The following SYT1 variants were observed in gnomAD, a reference collection of about 807,000 sequenced individuals.
SYT1 encodes synaptotagmin 1.
In SYT1, 8 loss-of-function variants were observed where a neutral mutation model predicts 44.8. The ratio of observed to expected loss-of-function variants is 0.18; its 90% CI spans 0.10 to 0.32. SYT1 has a LOEUF of 0.32. SYT1 is among the 10% of genes least tolerant of loss of function. The pLI is 1.00. For synonymous variants in SYT1, 154 were observed against 188.8 expected (o/e 0.82, Z 1.51); for missense variants, 286 against 509.3 (o/e 0.56, Z 4.22).
intron 1 of SYT1, among the ~76,000 whole-genome samples, chr12:78,924,426 T>C (rs2137174342): frequency 6.6e-6 from 1 of 151,832 alleles, no homozygotes; most frequent in East Asian, 1.9e-4. Flanking sequence ...TATTCATGAT[T>C]CTTATGTGAA....
intron 8 of SYT1, among the ~76,000 whole-genome samples, chr12:79,345,464 T>G (rs1451416590): frequency 6.6e-6 from 1 of 152,210 alleles, no homozygotes; most frequent in African/African-American, 2.4e-5. Context: ...GTGGTGGAAC[T>G]CAGTAATTAT....
intron 2 of SYT1, among the ~76,000 whole-genome samples, chr12:78,996,654 C>A (rs1475698191): frequency 6.6e-6 from 1 of 152,130 alleles, no homozygotes; most frequent in African/African-American, 2.4e-5. Flanking sequence ...AGAATGAGCC[C>A]AAGAACAGTA....
At chr12:79,050,927 G>A (rs11112515) in intron 3 of SYT1, among the ~76,000 whole-genome samples, 1,978 of 151,994 alleles carry the variant, frequency 0.013, 38 homozygotes, top group African/African-American at 0.045. Context: ...AGAAAATTTA[G>A]AGGTCACCTA....
intron 4 of SYT1, among the ~76,000 whole-genome samples, chr12:79,273,287 T>A (rs950817687): frequency 3.3e-5 from 5 of 151,934 alleles, no homozygotes; most frequent in African/African-American, 7.3e-5. Flanking sequence ...TATTTTTTTT[T>A]ATTATTTTTT....
At chr12:79,331,329 A>G (rs1246487098) in intron 8 of SYT1, among the ~76,000 whole-genome samples, 2 of 152,156 alleles carry the variant, frequency 1.3e-5, no homozygotes, top group South Asian at 2.1e-4. Flanking sequence ...GTGGTCATAT[A>G]TATCTATGAT....
intron 3 of SYT1, among the ~76,000 whole-genome samples, chr12:79,067,393 A>G (rs1184708135): frequency 6.6e-6 from 1 of 152,138 alleles, no homozygotes; most frequent in Non-Finnish European, 1.5e-5. Context: ...GAAGGTATGT[A>G]TATCAATGCC....
At chr12:78,893,510 A>C (rs1042903025) in intron 1 of SYT1, among the ~76,000 whole-genome samples, 2 of 151,824 alleles carry the variant, frequency 1.3e-5, no homozygotes, top group African/African-American at 4.8e-5. Flanking sequence ...TACTAAAAAA[A>C]TAAAATGCTC....
intron 3 of SYT1, among the ~76,000 whole-genome samples, chr12:79,094,183 A>C (rs1410808057): frequency 1.3e-5 from 2 of 151,786 alleles, no homozygotes; most frequent in East Asian, 3.9e-4. Flanking sequence ...GTTACCTGAA[A>C]GATTTGAGAA....
At chr12:79,287,691 A>G (rs903946896) in intron 5 of SYT1, among the ~76,000 whole-genome samples, 2 of 152,096 alleles carry the variant, frequency 1.3e-5, no homozygotes, top group African/African-American at 4.8e-5. Flanking sequence ...TAAATCTATA[A>G]TATTTGTGGG....
At chr12:78,962,255 A>G (rs1879543085) in intron 1 of SYT1, among the ~76,000 whole-genome samples, 2 of 152,180 alleles carry the variant, frequency 1.3e-5, no homozygotes, top group African/African-American at 4.8e-5. Context: ...GATTGTTACA[A>G]ACGTTAAATA....
chr12:79,412,030 G>C (rs1391915792), intron 9 of SYT1, among the ~76,000 whole-genome samples: 1 of 152,086 alleles, frequency 6.6e-6, no homozygotes, highest in Non-Finnish European at 1.5e-5. Flanking sequence ...ACATGAACAG[G>C]GCAGTAGAAA....
At chr12:79,065,803 A>G (rs558308547) in intron 3 of SYT1, among the ~76,000 whole-genome samples, 8 of 152,190 alleles carry the variant, frequency 5.3e-5, no homozygotes, top group Non-Finnish European at 1.0e-4. Flanking sequence ...ATGCGCACAG[A>G]AGATACTGTG....
intron 1 of SYT1, among the ~76,000 whole-genome samples, chr12:78,902,855 G>C (rs575225405): frequency 2.0e-5 from 3 of 152,200 alleles, no homozygotes; most frequent in African/African-American, 7.2e-5. Flanking sequence ...GAAAGACTCT[G>C]ACACTATTAA....
rs151033673 is a variant in SYT1, at chr12:79,179,570, T to C, written c.-17-37933T>C. Among the ~76,000 whole-genome samples, 1,245 of 146,626 alleles carry C rather than the reference T, an allele frequency of 8.5e-3. 30 individuals are homozygous for C. The highest frequency in any genetic ancestry group is 0.029 in the African/African-American group (1,176 of 39,972). ...AGATATAGATATAGATTTAGATATA[T>C]AGATATGGATATAGATATAGATTTT... On this transcript the variant is annotated intron_variant, in intron 3 of 10. Transcript: ENST00000261205.
intron 1 of SYT1, among the ~76,000 whole-genome samples, chr12:78,886,875 A>T (rs1874780898): frequency 6.6e-6 from 1 of 152,014 alleles, no homozygotes; most frequent in Non-Finnish European, 1.5e-5. Flanking sequence ...CATTCAACAC[A>T]TTTTCATGAT....
chr12:79,441,815 G>A (rs1245914574), intron 9 of SYT1, among the ~76,000 whole-genome samples: 1 of 152,290 alleles, frequency 6.6e-6, no homozygotes, highest in Middle Eastern at 3.4e-3. Flanking sequence ...GCCTTTGCAG[G>A]TACTGCTCCT....
intron 9 of SYT1, among the ~76,000 whole-genome samples, chr12:79,400,083 A>G (rs1885018300): frequency 6.6e-6 from 1 of 152,214 alleles, no homozygotes; most frequent in Non-Finnish European, 1.5e-5. Flanking sequence ...ACCTAGTCCT[A>G]TTCTTGGAAC....
chr12:79,134,746 AT>A (rs1167298470), intron 3 of SYT1, among the ~76,000 whole-genome samples: 1 of 152,098 alleles, frequency 6.6e-6, no homozygotes, highest in Non-Finnish European at 1.5e-5. Context: ...TATCAATTCC[AT>A]GCCTAACACA....
chr12:79,404,823 G>A (rs1312807851), intron 9 of SYT1, among the ~76,000 whole-genome samples: 2 of 152,106 alleles, frequency 1.3e-5, no homozygotes, highest in African/African-American at 2.4e-5. Context: ...CAGCTATCAC[G>A]AAAAAGATTG....
Sources: gnomAD v4.1 joint callset for allele counts (sites outside exome capture counted in the v4.1 genomes callset) on GRCh38, gnomAD v4.1.1 for gene constraint, MANE v1.5 for transcripts, NCBI Gene and HGNC (gene_info 2026-07-23, HGNC 2026-07-21) for gene names.